Variants in MTX2 observed in about 807,000 individuals in gnomAD.
The protein encoded by MTX2 is metaxin-2.
In MTX2, 35 loss-of-function variants were observed where a neutral mutation model predicts 42.3. That is an observed-to-expected ratio of 0.83 (90% CI 0.63 to 1.10). MTX2 has a LOEUF of 1.10. MTX2 is among the 50% of genes least tolerant of loss of function. MTX2 has a pLI of 0.00. For missense variants in MTX2, 307 were observed against 304.1 expected (o/e 1.01, Z -0.07); for synonymous variants, 119 against 100.9 (o/e 1.18, Z -1.08).
chr2:176,275,623 T>C (rs1350784971), intron 1 of MTX2, among the ~76,000 whole-genome samples: 1 of 152,184 alleles, frequency 6.6e-6, no homozygotes, highest in Non-Finnish European at 1.5e-5. Flanking sequence ...TTGTTTTCAC[T>C]TTTTTTAATG....
At chr2:176,307,780 A>C (rs1208043370) in intron 3 of MTX2, among the ~76,000 whole-genome samples, 11 of 152,192 alleles carry the variant, frequency 7.2e-5, no homozygotes, top group Non-Finnish European at 1.6e-4. Flanking sequence ...GAAGTTGCTT[A>C]TCAGCTTGAG....
intron 3 of MTX2, among the ~76,000 whole-genome samples, chr2:176,305,310 G>GT (rs1245813932): frequency 6.6e-6 from 1 of 151,904 alleles, no homozygotes; most frequent in African/African-American, 2.4e-5. Context: ...GAATTTTCTT[G>GT]TAAGTAACAA....
At chr2:176,308,199 C>G (rs1684202730) in intron 3 of MTX2, among the ~76,000 whole-genome samples, 1 of 151,936 alleles carries the variant, frequency 6.6e-6, no homozygotes, top group Admixed American at 6.6e-5. Context: ...GATGGATTAC[C>G]TTTATTGATT....
At chr2:176,309,976 A>T (rs1684259989) in intron 3 of MTX2, among the ~76,000 whole-genome samples, 1 of 151,550 alleles carries the variant, frequency 6.6e-6, no homozygotes, top group African/African-American at 2.4e-5. Context: ...TTGCCTGTTA[A>T]TTAATGCAGT....
At chr2:176,291,722 T>C (rs1056498531) in intron 1 of MTX2, among the ~76,000 whole-genome samples, 5 of 152,084 alleles carry the variant, frequency 3.3e-5, no homozygotes, top group African/African-American at 1.2e-4. Context: ...GTGCAGACCT[T>C]ATGCAACTGC....
At chr2:176,331,364 CA>C (rs1284974727) in intron 9 of MTX2, among the ~76,000 whole-genome samples, 2 of 150,908 alleles carry the variant, frequency 1.3e-5, no homozygotes, top group Admixed American at 1.3e-4. Context: ...ATTTTAATCT[CA>C]AAACTTTCCC....
At chr2:176,283,614 T>G (rs919064545) in intron 1 of MTX2, among the ~76,000 whole-genome samples, 5 of 152,196 alleles carry the variant, frequency 3.3e-5, no homozygotes, top group Admixed American at 6.5e-5. Context: ...TAGCTTGATA[T>G]GAGATAGCAA....
chr2:176,295,980 T>C (rs936918924), intron 1 of MTX2, among the ~76,000 whole-genome samples: 20 of 152,324 alleles, frequency 1.3e-4, no homozygotes, highest in African/African-American at 4.8e-4. Flanking sequence ...TCTGATGTTT[T>C]ATGGCTTTTA....
rs775786781 is a variant in MTX2 at position 176,269,693 on chromosome 2, AG to A, written c.40+25del. ...AGGTAGCGCGGCTGGCCGCAGACCC[AG>A]AAGGTGGCGGCGCGGTCTCGGGGAG... On this transcript the variant is annotated intron_variant, in intron 1 of 9. Transcript: ENST00000249442. The A allele has an allele frequency of 5.6e-5, 89 of 1,586,482 alleles. No individual in the cohort carries two copies. In the African/African-American group the frequency reaches 9.7e-4, roughly 17 times the overall value.
intron 1 of MTX2, among the ~76,000 whole-genome samples, chr2:176,282,126 G>GTTTTTTTTGTTTTTTTTTTT (rs767511650): frequency 0.021 from 552 of 26,418 alleles, 86 homozygotes; most frequent in Admixed American, 0.028. Context: ...AGTTACAGTA[G>GTTTTTTTTGTTTTTTTTTTT]TTTTTTTTTT....
At chr2:176,272,715 T>C (rs991545753) in intron 1 of MTX2, among the ~76,000 whole-genome samples, 1 of 152,154 alleles carries the variant, frequency 6.6e-6, no homozygotes, top group Non-Finnish European at 1.5e-5. Flanking sequence ...AACATACATA[T>C]GTTTATATAT....
At chr2:176,316,191 T>C (rs982746149) in intron 3 of MTX2, among the ~76,000 whole-genome samples, 109 of 152,196 alleles carry the variant, frequency 7.2e-4, no homozygotes, top group Admixed American at 2.0e-3. Context: ...ATAGCCTTTG[T>C]AGGCCTTTTT....
At position 176,312,881 on chromosome 2, in the gene MTX2, A is replaced by AAAAG. The variant is rs1299719109; in HGVS notation, c.136-10499_136-10496dup. On this transcript the variant is annotated intron_variant, in intron 3 of 9. Coordinates refer to ENST00000249442, the MANE Select transcript of MTX2 (RefSeq NM_006554.5). ...GCCATCTCAAAAAAAAAAAAAAAAA[A>AAAAG]AAAGAAAGAAAGAAAAGTACTTTTG... is the stretch of plus-strand genomic sequence containing the variant. 3.3e-5 allele frequency among the ~76,000 whole-genome samples: 5 copies of AAAAG among 151,340 alleles called. No individual in the cohort carries two copies. In the East Asian group the frequency reaches 7.7e-4, roughly 23 times the overall value.
chr2:176,336,971 A>G (rs1410094258), intron 9 of MTX2, among the ~76,000 whole-genome samples: 1 of 152,160 alleles, frequency 6.6e-6, no homozygotes, highest in Non-Finnish European at 1.5e-5. Flanking sequence ...GCTTACGTAA[A>G]CTTAATGTAT....
At chr2:176,292,353 T>C (rs1215128400) in intron 1 of MTX2, among the ~76,000 whole-genome samples, 1 of 152,220 alleles carries the variant, frequency 6.6e-6, no homozygotes, top group Non-Finnish European at 1.5e-5. Flanking sequence ...GTTTTATTGT[T>C]GTTTTAAAAT....
chr2:176,335,081 A>G (rs1684956529), intron 9 of MTX2, among the ~76,000 whole-genome samples: 1 of 152,074 alleles, frequency 6.6e-6, no homozygotes, highest in South Asian at 2.1e-4. Context: ...TATCAAATGT[A>G]GAATTAAAAA....
intron 8 of MTX2, among the ~76,000 whole-genome samples, 189 bp downstream of exon 8, chr2:176,329,615 A>G (rs951023319): frequency 1.3e-5 from 2 of 151,214 alleles, no homozygotes; most frequent in Admixed American, 6.6e-5. Context: ...AAACAATGCA[A>G]TGCAGATATG....
At chr2:176,318,798 ATAGACATCCAG>A (rs1684506647) in intron 3 of MTX2, among the ~76,000 whole-genome samples, 1 of 152,174 alleles carries the variant, frequency 6.6e-6, no homozygotes, top group Non-Finnish European at 1.5e-5. Flanking sequence ...ATGCTGTCTG[ATAGACATCCAG>A]TAGACATCAT....
At chr2:176,332,157 G>A (rs139027866) in intron 9 of MTX2, among the ~76,000 whole-genome samples, 23 of 151,232 alleles carry the variant, frequency 1.5e-4, no homozygotes, top group Admixed American at 9.9e-4. Context: ...TTTCCTTTGC[G>A]TGATACTTAG....
Sources: gnomAD v4.1 joint callset for allele counts (sites outside exome capture counted in the v4.1 genomes callset) on GRCh38, gnomAD v4.1.1 for gene constraint, MANE v1.5 for transcripts, NCBI Gene and HGNC (gene_info 2026-07-23, HGNC 2026-07-21) for gene names.